AKAP8: variants seen among roughly 807,000 people sequenced by gnomAD.
AKAP8 encodes the protein A-kinase anchoring protein 8.
Under a neutral mutation model 67.5 loss-of-function variants are expected in AKAP8, and 24 were observed. The ratio of observed to expected loss-of-function variants is 0.36; its 90% CI spans 0.26 to 0.50. The LOEUF is 0.50. Among genes scored for constraint, AKAP8 ranks in the 20% least tolerant of loss-of-function variants. AKAP8 has a pLI of 0.97. For missense variants in AKAP8, 971 were observed against 955.9 expected, an observed-to-expected ratio of 1.02 and a Z score of -0.21; for synonymous variants, 400 against 371.1, an observed-to-expected ratio of 1.08 and a Z score of -0.90.
intron 8 of AKAP8, 152 bp from the exon 9 acceptor site, chr19:15,368,474 T>C: frequency 2.0e-6 from 3 of 1,528,772 alleles, no homozygotes; most frequent in South Asian, 1.3e-5. Context: ...CCCAAGGCAC[T>C]GTCAGAGACT....
At position 15,362,169 on chromosome 19, in the gene AKAP8, T is replaced by G; in HGVS notation, c.1243A>C (p.Lys415Gln). 6.2e-7 allele frequency: 1 copy of G among 1,614,124 alleles called. No individual in the cohort carries two copies. The highest frequency in any genetic ancestry group is 8.5e-7 in the Non-Finnish European group (1 of 1,180,010). Reference sequence around the variant, plus strand: ...GTGCTTATGAACCGCAGGGTCTCTTTGTGAAATTTGCTTTGCAGATGCTTC... The same window carrying G: ...GTGCTTATGAACCGCAGGGTCTCTTGGTGAAATTTGCTTTGCAGATGCTTC... ...IQKHLQSKFH[K>Q]ETLRFISTKL... Residue 415 changes from lysine to glutamine, a missense_variant, in exon 10 of 14, where the codon AAA becomes CAA. Physicochemically the swap from Lys to Gln is moderately conservative, Grantham distance 53. Transcript: ENST00000269701.
intron 9 of AKAP8, among the ~76,000 whole-genome samples, chr19:15,366,899 GC>G (rs560260091): frequency 6.1e-4 from 92 of 151,576 alleles, no homozygotes; most frequent in Non-Finnish European, 1.2e-3. Context: ...GTGAGCCACT[GC>G]CCCCAGCCCG....
chr19:15,378,311 C>T (rs1967291486), intron 1 of AKAP8, among the ~76,000 whole-genome samples: 1 of 152,170 alleles, frequency 6.6e-6, no homozygotes. Context: ...CGAGAGACTG[C>T]TTCTCTGTGA....
rs1332751178 is a variant in AKAP8, at chr19:15,363,293, G to A, written c.1161-1042C>T. On this transcript the variant is annotated intron_variant, in intron 9 of 13. Transcript: ENST00000269701. ...AGGTGAGGGGCGCCTCTGCCCAGCC[G>A]CCCCTACTGGGAAGTGAGGAGACCC... Among the ~76,000 whole-genome samples, 13 of 141,854 alleles carry A rather than the reference G, an allele frequency of 9.2e-5. 1 individual carries two copies. The East Asian group carries it at 1.8e-3, about 20-fold the overall frequency. The allele number at this position is 141,854 out of a possible 152,430, so 93.1% of individuals were successfully genotyped here.
intron 6 of AKAP8, 64 bp from the exon 7 acceptor site, chr19:15,372,062 C>T: frequency 6.2e-7 from 1 of 1,611,542 alleles, no homozygotes; most frequent in Non-Finnish European, 8.5e-7. Flanking sequence ...TTTCCGCCCT[C>T]CCAAGCTCGC....
chr19:15,364,108 C>CCAAAAA (rs1967028041), intron 9 of AKAP8, among the ~76,000 whole-genome samples: 1 of 52,336 alleles, frequency 1.9e-5, no homozygotes, highest in Admixed American at 3.9e-4. Context: ...TGGCAGTGGG[C>CCAAAAA]AAAAAAAAAA....
At chr19:15,360,713 A>ACC in intron 12 of AKAP8, 135 bp downstream of exon 12, 1 of 1,135,054 alleles carries the variant, frequency 8.8e-7, no homozygotes, top group Non-Finnish European at 1.2e-6. Context: ...GAATCTTACG[A>ACC]CCCATCGATG....
chr19:15,379,395 G>A (rs1967327611), intron 1 of AKAP8: 1 of 357,022 alleles, frequency 2.8e-6, no homozygotes, highest in Non-Finnish European at 5.0e-6. Context: ...GGGGCCGGAA[G>A]GACTCCGCCG....
intron 9 of AKAP8, among the ~76,000 whole-genome samples, chr19:15,363,376 C>T (rs1237034979): frequency 8.2e-5 from 12 of 146,654 alleles, no homozygotes; most frequent in Admixed American, 5.3e-4. Flanking sequence ...GCCCCCCGCC[C>T]GGCCAGCCGC....
chr19:15,361,879 T>G, intron 10 of AKAP8, 57 bp from the exon 11 acceptor site: 1 of 1,522,508 alleles, frequency 6.6e-7, no homozygotes, highest in Admixed American at 1.7e-5. Context: ...ATGTGGGCAT[T>G]TCTCAACTGC....
chr19:15,356,982 G>A (rs754451711), intron 13 of AKAP8, among the ~76,000 whole-genome samples: 3 of 151,926 alleles, frequency 2.0e-5, no homozygotes, highest in Non-Finnish European at 4.4e-5. Context: ...TTTTTGAGAC[G>A]GAGTCTTGGT....
intron 1 of AKAP8, among the ~76,000 whole-genome samples, chr19:15,378,761 C>T (rs1398769544): frequency 6.6e-6 from 1 of 152,240 alleles, no homozygotes; most frequent in Non-Finnish European, 1.5e-5. Flanking sequence ...CTCCACCCAG[C>T]ATGTCCCAAC....
rs148578730 is a variant in AKAP8, at chr19:15,369,317, G to C, written c.1072+829C>G. 186 of 941,838 alleles carry C rather than the reference G, an allele frequency of 2.0e-4. No homozygotes were observed. Among genetic ancestry groups the C allele is most frequent in the Middle Eastern group, 1.1e-3 (2 of 1,834 alleles). 58.3% of individuals were successfully genotyped at this position (941,838 alleles called of 1,614,324 possible). Reference sequence around the variant, plus strand: ...TATGGACAGGACTGCTGCGGGTCGCGGGGGGGAGGACCGCAGAGGGCTGGC... The same window carrying C: ...TATGGACAGGACTGCTGCGGGTCGCCGGGGGGAGGACCGCAGAGGGCTGGC... On this transcript the variant is annotated intron_variant, in intron 8 of 13. Transcript: ENST00000269701. This position sits in a 1 kb window ranked among gnomAD's most constrained non-coding sequence, Gnocchi z 4.6.
At position 15,362,200 on chromosome 19, in the gene AKAP8, CTCT is replaced by C. The variant is rs1337846893; in HGVS notation, c.1209_1211del (p.Glu404del). 1.9e-6 allele frequency: 3 copies of C among 1,613,964 alleles called. No individual in the cohort carries two copies. The highest frequency in any genetic ancestry group is 1.3e-5 in the African/African-American group (1 of 74,878). On this transcript the variant is annotated inframe_deletion, in exon 10 of 14. Transcript: ENST00000269701. Reference sequence around the variant, plus strand: ...ATTTGCTTTGCAGATGCTTCTGGATCTCTTCGTCATCAAAGCTACGGAACTTGC... The same window carrying C: ...ATTTGCTTTGCAGATGCTTCTGGATCTCGTCATCAAAGCTACGGAACTTGC...
Position 15,368,854 on chromosome 19 carries a change from C to A in AKAP8, c.1073-532G>T, listed in dbSNP as rs898862388. The A allele has an allele frequency of 1.5e-5, 15 of 985,138 alleles. No homozygotes were observed. In the African/African-American group the frequency reaches 2.6e-4, roughly 17 times the overall value. 61.0% of individuals were successfully genotyped at this position (985,138 alleles called of 1,614,324 possible). ...TCCTTGCTGGCCCGACCTCTATCTTCCACTCACAAAAACCGTCAATCTAGG... is the reference window on the plus strand; with the variant it reads ...TCCTTGCTGGCCCGACCTCTATCTTACACTCACAAAAACCGTCAATCTAGG... On this transcript the variant is annotated intron_variant, in intron 8 of 13. Coordinates refer to ENST00000269701, the MANE Select transcript of AKAP8 (RefSeq NM_005858.4).
chr19:15,365,240 T>A (rs1269844017), intron 9 of AKAP8, among the ~76,000 whole-genome samples: 1 of 152,192 alleles, frequency 6.6e-6, no homozygotes, highest in African/African-American at 2.4e-5. Context: ...TCATTTTACG[T>A]GCAGACAAAA....
At chr19:15,365,584 G>A (rs757925109) in intron 9 of AKAP8, among the ~76,000 whole-genome samples, 9 of 152,308 alleles carry the variant, frequency 5.9e-5, no homozygotes, top group Middle Eastern at 3.4e-3. Context: ...AGACACCTCC[G>A]CTTCTGCAGA....
At chr19:15,379,642 G>A in intron 1 of AKAP8, 71 bp downstream of exon 1, 8 of 1,539,996 alleles carry the variant, frequency 5.2e-6, no homozygotes, top group African/African-American at 1.4e-5. Context: ...GCCGGCGGCA[G>A]TCTGCGCAGC....
intron 10 of AKAP8, 126 bp downstream of exon 10, chr19:15,361,984 C>A (rs1966974118): frequency 4.9e-6 from 7 of 1,429,874 alleles, no homozygotes; most frequent in African/African-American, 2.8e-5. Flanking sequence ...GGGACTTACA[C>A]AGCTACTCTA....
Sources: gnomAD v4.1 joint callset for allele counts (sites outside exome capture counted in the v4.1 genomes callset) on GRCh38, gnomAD v4.1.1 for gene constraint, Gnocchi (gnomAD v3.1) non-coding constraint, MANE v1.5 for transcripts, NCBI Gene and HGNC (gene_info 2026-07-23, HGNC 2026-07-21) for gene names.